The following ACTR3C variants were observed in gnomAD, a reference collection of about 807,000 sequenced individuals.
ACTR3C encodes actin-related protein 3C.
A neutral mutation model predicts 26.3 loss-of-function variants in ACTR3C; 18 were observed. That is an observed-to-expected ratio of 0.68 (90% CI 0.47 to 1.01). The LOEUF (loss-of-function observed/expected upper bound fraction) is 1.01, where lower values mean the gene tolerates loss of function less well. Among genes scored for constraint, ACTR3C ranks in the 50% least tolerant of loss-of-function variants. The pLI is 0.00. For synonymous variants in ACTR3C, 55 were observed against 94.5 expected (o/e 0.58, Z 2.42); for missense variants, 184 against 250.7 (o/e 0.73, Z 1.80).
chr7:150,120,053 T>C, the ACTR3C span, among the ~76,000 whole-genome samples: 1 of 152,122 alleles, frequency 6.6e-6, no homozygotes, highest in East Asian at 1.9e-4. Context: ...AAAGACACAA[T>C]GTACCAGAAT....
chr7:150,267,976 T>C (rs1208581121), intron 6 of ACTR3C, among the ~76,000 whole-genome samples: 2 of 152,174 alleles, frequency 1.3e-5, no homozygotes, highest in African/African-American at 4.8e-5. Flanking sequence ...TGACTCTATA[T>C]AAATTATATC....
rs112751213 is a variant in ACTR3C at position 150,264,301 on chromosome 7, G to C, written c.565-15247C>G. On this transcript the variant is annotated intron_variant, in intron 6 of 7. Transcript: ENST00000683684. The stretch of plus-strand genomic sequence containing the variant: ...AATAGAGCTCCTTGCGGTCAGCACT[G>C]TGCATGGGCACCATCAGCGTGGCCA... 3.1e-3 allele frequency among the ~76,000 whole-genome samples: 479 copies of C among 152,186 alleles called. 1 individual carries two copies. The highest frequency in any genetic ancestry group is 9.6e-3 in the East Asian group (50 of 5,188).
chr7:150,102,848 G>A, the ACTR3C span, among the ~76,000 whole-genome samples: 1 of 151,982 alleles, frequency 6.6e-6, no homozygotes, highest in Admixed American at 6.6e-5. Context: ...TTATTAAAAT[G>A]TAGGTGGCAT....
chr7:150,254,288 C>G (rs1833055177), intron 6 of ACTR3C, among the ~76,000 whole-genome samples: 1 of 152,008 alleles, frequency 6.6e-6, no homozygotes, highest in Admixed American at 6.5e-5. Flanking sequence ...GAACCCTGAT[C>G]CTATATTATA....
chr7:150,252,102 C>T (rs1360394745), intron 6 of ACTR3C, among the ~76,000 whole-genome samples: 1 of 150,926 alleles, frequency 6.6e-6, no homozygotes, highest in Admixed American at 6.6e-5. Context: ...TTTAATCCCT[C>T]CGTGTGTGTT....
chr7:150,284,146 G>A lies in ACTR3C; in HGVS notation c.564+607C>T, dbSNP rs1448967504. Among the ~76,000 whole-genome samples, 18 of 152,196 alleles carry A rather than the reference G, an allele frequency of 1.2e-4. No individual in the cohort carries two copies. The East Asian group carries it at 3.5e-3, about 29-fold the overall frequency. On this transcript the variant is annotated intron_variant, in intron 6 of 7. Coordinates refer to ENST00000683684, the MANE Select transcript of ACTR3C (RefSeq NM_001164458.2). Reference sequence around the variant, plus strand: ...CAATGGAATTCACGGAAAGCATGGAGGAGGGCATCACTCTTACTTTCCATC... The same window carrying A: ...CAATGGAATTCACGGAAAGCATGGAAGAGGGCATCACTCTTACTTTCCATC...
At chr7:150,038,140 C>T in the ACTR3C span, among the ~76,000 whole-genome samples, 1 of 142,682 alleles carries the variant, frequency 7.0e-6, no homozygotes, top group Non-Finnish European at 1.6e-5. Flanking sequence ...GGATGGATCT[C>T]AGCCATCACA....
the ACTR3C span, among the ~76,000 whole-genome samples, chr7:150,221,904 G>A: frequency 6.6e-6 from 1 of 150,536 alleles, no homozygotes; most frequent in South Asian, 2.1e-4. Flanking sequence ...AGGCTGAGGC[G>A]AGAGAATGGC....
chr7:149,906,428 T>G, the ACTR3C span, among the ~76,000 whole-genome samples: 172 of 75,080 alleles, frequency 2.3e-3, 7 homozygotes, highest in South Asian at 0.03. Flanking sequence ...TTTTTTTTTT[T>G]TTTTTTTTTT....
chr7:149,993,353 G>C, the ACTR3C span, among the ~76,000 whole-genome samples: 1 of 152,100 alleles, frequency 6.6e-6, no homozygotes, highest in African/African-American at 2.4e-5. Flanking sequence ...GCCAAGCAGG[G>C]GTGCACTTGT....
At chr7:150,071,133 T>C in the ACTR3C span, among the ~76,000 whole-genome samples, 2 of 149,684 alleles carry the variant, frequency 1.3e-5, no homozygotes, top group African/African-American at 4.9e-5. Flanking sequence ...TTTCTTTCTT[T>C]TTTTGTTTGA....
At chr7:149,942,041 G>T in the ACTR3C span, among the ~76,000 whole-genome samples, 2 of 152,266 alleles carry the variant, frequency 1.3e-5, no homozygotes, top group East Asian at 3.9e-4. Flanking sequence ...CTCTGCAGAG[G>T]GCCTGAGCCA....
chr7:149,910,222 G>A, the ACTR3C span, among the ~76,000 whole-genome samples: 24 of 150,128 alleles, frequency 1.6e-4, no homozygotes, highest in African/African-American at 5.9e-4. Context: ...TGCGGGGTGG[G>A]GGGCGGCGGT....
chr7:150,237,154 G>C, the ACTR3C span, among the ~76,000 whole-genome samples: 1 of 152,080 alleles, frequency 6.6e-6, no homozygotes, highest in Non-Finnish European at 1.5e-5. Flanking sequence ...ATTGATGCTG[G>C]AGGAAGAACT....
the ACTR3C span, among the ~76,000 whole-genome samples, chr7:150,091,904 C>T: frequency 1.5e-5 from 2 of 131,400 alleles, no homozygotes; most frequent in East Asian, 4.7e-4. Flanking sequence ...AGGAGAATGG[C>T]GTGAACCCGG....
the ACTR3C span, among the ~76,000 whole-genome samples, chr7:150,134,405 C>G: frequency 6.6e-6 from 1 of 152,216 alleles, no homozygotes; most frequent in Non-Finnish European, 1.5e-5. Flanking sequence ...TCACCACTGA[C>G]AGCTGGTGCC....
chr7:150,299,482 A>AC lies in ACTR3C; in HGVS notation c.-51-4136_-51-4135insG, dbSNP rs1458327658. Among the ~76,000 whole-genome samples the AC allele has an allele frequency of 1.2e-4, 17 of 145,402 alleles. 1 individual carries two copies. Among genetic ancestry groups the AC allele is most frequent in the Non-Finnish European group, 1.8e-4 (12 of 66,628 alleles). On this transcript the variant is annotated intron_variant, in intron 1 of 7. Transcript: ENST00000683684. Reference sequence around the variant, plus strand: ...CCCCTCTCAAAAAAAAAAAAAAAAAAAAAAAAAAAAAACAAAAAACAGGCT... The same window carrying AC: ...CCCCTCTCAAAAAAAAAAAAAAAAAACAAAAAAAAAAAACAAAAAACAGGCT...
chr7:150,138,813 A>G, the ACTR3C span, among the ~76,000 whole-genome samples: 2 of 152,298 alleles, frequency 1.3e-5, no homozygotes, highest in African/African-American at 2.4e-5. Flanking sequence ...CGCTCGCATT[A>G]CTGCCTGAGC....
intron 6 of ACTR3C, among the ~76,000 whole-genome samples, chr7:150,251,880 AT>A (rs1443375922): frequency 1.3e-5 from 2 of 152,140 alleles, no homozygotes; most frequent in Non-Finnish European, 2.9e-5. Context: ...ATATATATTA[AT>A]TTTTAAAAAT....
Sources: gnomAD v4.1 joint callset for allele counts (sites outside exome capture counted in the v4.1 genomes callset) on GRCh38, gnomAD v4.1.1 for gene constraint, MANE v1.5 for transcripts, NCBI Gene and HGNC (gene_info 2026-07-23, HGNC 2026-07-21) for gene names.